NKAIN2: variants seen among roughly 807,000 people sequenced by gnomAD.
The protein encoded by NKAIN2 is sodium/potassium-transporting ATPase subunit beta-1-interacting protein 2.
A neutral mutation model predicts 32.6 loss-of-function variants in NKAIN2; 14 were observed. That is an observed-to-expected ratio of 0.43 (90% CI 0.28 to 0.67). The LOEUF is 0.67. Among genes scored for constraint, NKAIN2 ranks in the 30% least tolerant of loss-of-function variants. NKAIN2 has a pLI of 0.17. For synonymous variants in NKAIN2, 80 were observed against 87.2 expected, an observed-to-expected ratio of 0.92 and a Z score of 0.46; for missense variants, 198 against 258.3, an observed-to-expected ratio of 0.77 and a Z score of 1.60.
chr6:124,452,208 A>C (rs1037894498), intron 3 of NKAIN2, among the ~76,000 whole-genome samples: 16 of 151,904 alleles, frequency 1.1e-4, no homozygotes, highest in African/African-American at 3.6e-4. Context: ...AAAAAAAAAA[A>C]AAACTGACGT....
chr6:124,218,972 G>A (rs969821425), intron 1 of NKAIN2, among the ~76,000 whole-genome samples: 1 of 152,166 alleles, frequency 6.6e-6, no homozygotes, highest in Non-Finnish European at 1.5e-5. Context: ...GAGAAGCAAG[G>A]CACCTTCTTC....
At chr6:124,512,706 C>G (rs979909238) in intron 3 of NKAIN2, among the ~76,000 whole-genome samples, 3 of 152,110 alleles carry the variant, frequency 2.0e-5, no homozygotes, top group African/African-American at 7.2e-5. Context: ...ACCCAGACCT[C>G]TGCAAGAAAA....
At chr6:124,302,521 A>T (rs1464578201) in intron 2 of NKAIN2, among the ~76,000 whole-genome samples, 1 of 152,038 alleles carries the variant, frequency 6.6e-6, no homozygotes, top group Non-Finnish European at 1.5e-5. Context: ...TGTTTTTTAA[A>T]TTTTTTTATC....
intron 4 of NKAIN2, among the ~76,000 whole-genome samples, chr6:124,662,801 A>G (rs148177473): frequency 1.2e-4 from 19 of 152,310 alleles, no homozygotes; most frequent in African/African-American, 3.8e-4. Flanking sequence ...CTTATTGTGC[A>G]TGTTGCTGTT....
In NKAIN2 at chr6:124,571,048, GACTGGCTC is replaced by G. The variant is rs150897436; in HGVS notation, c.274-87132_274-87125del. ...ACATCATTTTGGAGCTTTAAAATTTGACTGGCTCACTGGATTTTGGACTTGCATGGGCC... is the reference window on the plus strand; with the variant it reads ...ACATCATTTTGGAGCTTTAAAATTTGACTGGATTTTGGACTTGCATGGGCC... On this transcript the variant is annotated intron_variant, in intron 3 of 6. Transcript: ENST00000368417. Among the ~76,000 whole-genome samples the G allele has an allele frequency of 8.8e-3, 1,345 of 152,260 alleles. 20 individuals carry two copies. The highest frequency in any genetic ancestry group is 0.031 in the African/African-American group (1,296 of 41,532).
At chr6:124,491,171 A>G (rs1431831704) in intron 3 of NKAIN2, among the ~76,000 whole-genome samples, 1 of 151,876 alleles carries the variant, frequency 6.6e-6, no homozygotes, top group African/African-American at 2.4e-5. Flanking sequence ...CCATCTATTC[A>G]TTGTTTTAAA....
rs936582035 is a variant in NKAIN2 at position 124,063,561 on chromosome 6, A to G, written c.55-219444A>G. Among the ~76,000 whole-genome samples the G allele has an allele frequency of 2.6e-5, 4 of 152,226 alleles. No individual in the cohort carries two copies. In the Middle Eastern group the frequency reaches 0.01, roughly 388 times the overall value. On this transcript the variant is annotated intron_variant, in intron 1 of 6. Coordinates refer to ENST00000368417, the MANE Select transcript of NKAIN2 (RefSeq NM_001040214.3). ...TTGTTGTGGGGAGTAGAATTAATATATGTAAAGGATTAGCCCAGTGGCAAG... is the reference window on the plus strand; with the variant it reads ...TTGTTGTGGGGAGTAGAATTAATATGTGTAAAGGATTAGCCCAGTGGCAAG...
At chr6:124,068,527 A>C (rs1783295813) in intron 1 of NKAIN2, among the ~76,000 whole-genome samples, 1 of 151,896 alleles carries the variant, frequency 6.6e-6, no homozygotes, top group Non-Finnish European at 1.5e-5. Flanking sequence ...AGTAGCTGGG[A>C]CTACGGGCAT....
chr6:124,281,308 GAAC>G (rs1489713801), intron 1 of NKAIN2, among the ~76,000 whole-genome samples: 3 of 152,168 alleles, frequency 2.0e-5, no homozygotes, highest in Admixed American at 6.5e-5. Context: ...CATGTTCTCA[GAAC>G]AACTACTTAG....
intron 3 of NKAIN2, among the ~76,000 whole-genome samples, chr6:124,602,831 A>G (rs1280399830): frequency 6.6e-6 from 1 of 151,930 alleles, no homozygotes; most frequent in African/African-American, 2.4e-5. Flanking sequence ...CACAAGTAGC[A>G]TGAGAACAAA....
chr6:124,053,534 A>G (rs532252405), intron 1 of NKAIN2, among the ~76,000 whole-genome samples: 7 of 152,126 alleles, frequency 4.6e-5, no homozygotes, highest in Admixed American at 4.6e-4. Flanking sequence ...GTCAAAGACA[A>G]TTTATGATTC....
chr6:124,111,968 C>A (rs1304904346), intron 1 of NKAIN2, among the ~76,000 whole-genome samples: 1 of 151,890 alleles, frequency 6.6e-6, no homozygotes, highest in Non-Finnish European at 1.5e-5. Context: ...CCAGAACATA[C>A]TTTATGTTAT....
intron 1 of NKAIN2, among the ~76,000 whole-genome samples, chr6:124,179,014 AACACAG>A: frequency 6.6e-6 from 1 of 152,266 alleles, no homozygotes; most frequent in Non-Finnish European, 1.5e-5. Flanking sequence ...TTATTGACCC[AACACAG>A]GTGCTGTACA....
chr6:124,805,072 G>A (rs1034022000), intron 5 of NKAIN2, among the ~76,000 whole-genome samples: 2 of 152,136 alleles, frequency 1.3e-5, no homozygotes, highest in African/African-American at 4.8e-5. Context: ...GCAGGGCACA[G>A]ACAAAAAGAC....
At chr6:124,648,189 A>T (rs980978468) in intron 3 of NKAIN2, among the ~76,000 whole-genome samples, 1 of 152,180 alleles carries the variant, frequency 6.6e-6, no homozygotes, top group African/African-American at 2.4e-5. Flanking sequence ...ACCAGTAGGG[A>T]GTACATTAGT....
chr6:124,348,242 C>G (rs1380267424), intron 2 of NKAIN2, among the ~76,000 whole-genome samples: 1 of 151,544 alleles, frequency 6.6e-6, no homozygotes, highest in Admixed American at 6.6e-5. Context: ...TCAGTCTGCC[C>G]CCACTGGGGG....
At chr6:124,708,679 C>T (rs1382373048) in intron 4 of NKAIN2, among the ~76,000 whole-genome samples, 1 of 152,012 alleles carries the variant, frequency 6.6e-6, no homozygotes, top group Admixed American at 6.6e-5. Flanking sequence ...GATTTTTGTA[C>T]ATTGATTTTG....
chr6:124,664,297 AG>A (rs1772657174), intron 4 of NKAIN2, among the ~76,000 whole-genome samples: 1 of 151,770 alleles, frequency 6.6e-6, no homozygotes, highest in Admixed American at 6.6e-5. Context: ...GAAAAAAAAA[AG>A]AAATTCATAT....
intron 1 of NKAIN2, among the ~76,000 whole-genome samples, chr6:124,006,144 G>C (rs964759196): frequency 4.6e-5 from 7 of 152,188 alleles, no homozygotes; most frequent in Non-Finnish European, 8.8e-5. Flanking sequence ...CTCAGGAGAG[G>C]AGCGATGGTT....
Sources: gnomAD v4.1 joint callset for allele counts (sites outside exome capture counted in the v4.1 genomes callset) on GRCh38, gnomAD v4.1.1 for gene constraint, MANE v1.5 for transcripts, NCBI Gene and HGNC (gene_info 2026-07-23, HGNC 2026-07-21) for gene names.